The following FRMD6 variants were observed in gnomAD, a reference collection of about 807,000 sequenced individuals.
The protein encoded by FRMD6 is FERM domain-containing protein 6.
In FRMD6, 37 loss-of-function variants were observed where a neutral mutation model predicts 73.2. The ratio of observed to expected loss-of-function variants is 0.51; its 90% CI spans 0.39 to 0.66. The LOEUF is 0.66. Ranked by LOEUF, FRMD6 falls within the 30% of genes least tolerant of loss-of-function variation. FRMD6 has a pLI of 0.00. For synonymous variants in FRMD6, 273 were observed against 282.2 expected (o/e 0.97, Z 0.33); for missense variants, 714 against 780.5 (o/e 0.91, Z 1.02).
chr14:51,671,841 C>T (rs1894031238), intron 1 of FRMD6, among the ~76,000 whole-genome samples: 2 of 152,140 alleles, frequency 1.3e-5, no homozygotes, highest in African/African-American at 4.8e-5. Context: ...TGTTCATGCC[C>T]TAATTTAAGA....
chr14:51,434,901 A>G, the FRMD6 span, among the ~76,000 whole-genome samples: 3 of 152,222 alleles, frequency 2.0e-5, no homozygotes, highest in South Asian at 2.1e-4. Flanking sequence ...GCAAAAAAGT[A>G]TAATCATGAG....
chr14:51,584,775 C>T (rs1472567669), intron 2 of FRMD6, among the ~76,000 whole-genome samples: 3 of 152,180 alleles, frequency 2.0e-5, no homozygotes, highest in Non-Finnish European at 1.5e-5. Context: ...TACGTGTCCA[C>T]TTTCCTCAGA....
At chr14:51,488,030 C>G (rs181432864), upstream of FRMD6, among the ~76,000 whole-genome samples, 2 of 152,166 alleles carry the variant, frequency 1.3e-5, no homozygotes, top group Non-Finnish European at 2.9e-5. Flanking sequence ...GATGTAGTAA[C>G]GAGATCTGCT....
chr14:51,467,064 A>G, the FRMD6 span, among the ~76,000 whole-genome samples: 2 of 152,092 alleles, frequency 1.3e-5, no homozygotes, highest in South Asian at 2.1e-4. Context: ...AGGTCAGCAG[A>G]TAAACATGTG....
intron 1 of FRMD6, chr14:51,570,301 A>T (rs1888061594): frequency 1.3e-5 from 2 of 152,208 alleles, no homozygotes; most frequent in African/African-American, 4.8e-5. Flanking sequence ...AAAAATAGAG[A>T]CATTTATATT....
chr14:51,557,171 C>A (rs1030956179), intron 1 of FRMD6, among the ~76,000 whole-genome samples: 3 of 151,564 alleles, frequency 2.0e-5, no homozygotes, highest in East Asian at 1.9e-4. Flanking sequence ...AGGAAATGAG[C>A]AAATGAAGCA....
the FRMD6 span, among the ~76,000 whole-genome samples, chr14:51,478,235 G>A: frequency 7.9e-5 from 12 of 152,160 alleles, no homozygotes; most frequent in Admixed American, 2.0e-4. Flanking sequence ...GCTTCAACTG[G>A]CAATGAGGAA....
chr14:51,596,575 CTT>C (rs2139772472), intron 2 of FRMD6, among the ~76,000 whole-genome samples: 1 of 152,200 alleles, frequency 6.6e-6, no homozygotes, highest in East Asian at 1.9e-4. Context: ...TCAATAATGA[CTT>C]TGTGTAGCTT....
At chr14:51,443,311 G>C in the FRMD6 span, among the ~76,000 whole-genome samples, 1 of 152,166 alleles carries the variant, frequency 6.6e-6, no homozygotes, top group African/African-American at 2.4e-5. Flanking sequence ...ACTTGAAAAA[G>C]TCCAAGATGT....
chr14:51,557,409 G>A (rs111724685), intron 1 of FRMD6, among the ~76,000 whole-genome samples: 2 of 152,098 alleles, frequency 1.3e-5, no homozygotes, highest in African/African-American at 4.8e-5. Flanking sequence ...GCCAAATACA[G>A]CATGATCTCA....
chr14:51,571,067 A>C (rs1888110302), intron 2 of FRMD6, among the ~76,000 whole-genome samples: 1 of 152,234 alleles, frequency 6.6e-6, no homozygotes, highest in Non-Finnish European at 1.5e-5. Context: ...TGCCTTTTAT[A>C]ATTAACATAA....
intron 2 of FRMD6, among the ~76,000 whole-genome samples, chr14:51,617,304 A>T (rs1890753672): frequency 6.6e-6 from 1 of 152,098 alleles, no homozygotes; most frequent in South Asian, 2.1e-4. Context: ...AACAGCAGGG[A>T]GTGGGGGGAA....
chr14:51,722,216 C>T (rs962898183), intron 12 of FRMD6, 136 bp downstream of exon 12: 3 of 840,758 alleles, frequency 3.6e-6, no homozygotes, highest in African/African-American at 1.7e-5. Flanking sequence ...CTCTTCAGGT[C>T]AGTGTTGTAA....
chr14:51,662,634 T>C (rs1323427447), intron 1 of FRMD6, among the ~76,000 whole-genome samples: 1 of 152,138 alleles, frequency 6.6e-6, no homozygotes, highest in Non-Finnish European at 1.5e-5. Context: ...TTATACCATA[T>C]ACAAAAATTA....
chr14:51,471,225 C>CA, the FRMD6 span, among the ~76,000 whole-genome samples: 5 of 152,088 alleles, frequency 3.3e-5, no homozygotes, highest in Non-Finnish European at 7.4e-5. Flanking sequence ...TGCGGTGGCT[C>CA]ACGCTTATAA....
chr14:51,569,723 A>G (rs993279634), intron 1 of FRMD6, among the ~76,000 whole-genome samples: 1 of 151,392 alleles, frequency 6.6e-6, no homozygotes, highest in African/African-American at 2.4e-5. Flanking sequence ...GCTACTCTCA[A>G]ACTCCTAGGC....
intron 1 of FRMD6, among the ~76,000 whole-genome samples, chr14:51,659,856 C>A (rs1271884431): frequency 6.6e-6 from 1 of 152,120 alleles, no homozygotes; most frequent in African/African-American, 2.4e-5. Flanking sequence ...TAATGTGGGT[C>A]AGAACCATTT....
At chr14:51,579,455 C>A (rs1354529957) in intron 2 of FRMD6, among the ~76,000 whole-genome samples, 1 of 152,188 alleles carries the variant, frequency 6.6e-6, no homozygotes, top group Non-Finnish European at 1.5e-5. Flanking sequence ...AATCACTTGA[C>A]ACCCCCTCAT....
At chr14:51,413,018 GTCTC>G in the FRMD6 span, among the ~76,000 whole-genome samples, 7 of 139,044 alleles carry the variant, frequency 5.0e-5, no homozygotes, top group East Asian at 4.2e-4. Flanking sequence ...TTGAGATGGA[GTCTC>G]TCTCTGTCGC....
Sources: allele counts gnomAD v4.1 joint callset (sites outside exome capture counted in the v4.1 genomes callset), GRCh38; gene constraint gnomAD v4.1.1; transcripts MANE v1.5; gene names NCBI Gene and HGNC (gene_info 2026-07-23, HGNC 2026-07-21).